FSTL5: variants seen among roughly 807,000 people sequenced by gnomAD.
FSTL5 encodes follistatin-related protein 5.
Under a neutral mutation model 89.1 loss-of-function variants are expected in FSTL5, and 62 were observed. The ratio of observed to expected loss-of-function variants is 0.70; its 90% CI spans 0.57 to 0.86. The LOEUF is 0.86. FSTL5 is among the 40% of genes least tolerant of loss of function. The probability of loss-of-function intolerance (pLI) is 0.00; values close to 1 mark genes in which losing one functional copy is unlikely to be tolerated. For synonymous variants in FSTL5, 383 were observed against 346.2 expected (o/e 1.11, Z -1.18); for missense variants, 1,057 against 1,001.6 (o/e 1.06, Z -0.75).
chr4:162,120,335 C>A (rs1222398095), intron 1 of FSTL5, among the ~76,000 whole-genome samples: 1 of 152,054 alleles, frequency 6.6e-6, no homozygotes, highest in African/African-American at 2.4e-5. Flanking sequence ...ATTATTAGAA[C>A]CATGTTATGT....
intron 15 of FSTL5, among the ~76,000 whole-genome samples, chr4:161,441,734 T>A (rs1201636950): frequency 6.6e-6 from 1 of 152,160 alleles, no homozygotes; most frequent in Non-Finnish European, 1.5e-5. Context: ...TCAAGGTTTT[T>A]TGAATCATAA....
Position 162,141,328 on chromosome 4 carries a change from G to A in FSTL5, c.-17+22287C>T, listed in dbSNP as rs568285090. Among the ~76,000 whole-genome samples, 28 of 84,784 alleles carry A rather than the reference G, an allele frequency of 3.3e-4. 2 individuals carry two copies. Among genetic ancestry groups the A allele is most frequent in the Non-Finnish European group, 7.1e-4 (26 of 36,726 alleles). 55.6% of individuals were successfully genotyped at this position (84,784 alleles called of 152,430 possible). A position where few individuals can be genotyped will look rare whatever the true frequency, so the allele number is the denominator to read the frequency against. On this transcript the variant is annotated intron_variant, in intron 1 of 15. Transcript: ENST00000306100. ...GACGGGGTTTCACCATGTTAGCCAG[G>A]ATGGTCTCGATCTCCTGACCTCGTG...
At chr4:161,391,650 T>G (rs2110877271) in intron 15 of FSTL5, among the ~76,000 whole-genome samples, 1 of 152,306 alleles carries the variant, frequency 6.6e-6, no homozygotes, top group Non-Finnish European at 1.5e-5. Flanking sequence ...AGGATTCAGT[T>G]TTTATCTGAA....
At chr4:161,778,598 T>C (rs1173873761) in intron 4 of FSTL5, among the ~76,000 whole-genome samples, 6 of 152,228 alleles carry the variant, frequency 3.9e-5, no homozygotes, top group Non-Finnish European at 8.8e-5. Context: ...TTCAGCACTT[T>C]GGTTTTTAGC....
chr4:161,778,539 G>C (rs1478688501), intron 4 of FSTL5, among the ~76,000 whole-genome samples: 1 of 152,154 alleles, frequency 6.6e-6, no homozygotes, highest in Non-Finnish European at 1.5e-5. Flanking sequence ...CTTCCAAAGA[G>C]ATGATAGACT....
At chr4:161,687,159 A>G (rs2126715443) in intron 6 of FSTL5, among the ~76,000 whole-genome samples, 1 of 152,306 alleles carries the variant, frequency 6.6e-6, no homozygotes, top group South Asian at 2.1e-4. Flanking sequence ...TTAAATGGTT[A>G]AATATTACAT....
intron 2 of FSTL5, among the ~76,000 whole-genome samples, chr4:162,105,500 T>C (rs1329465239): frequency 6.6e-6 from 1 of 152,218 alleles, no homozygotes; most frequent in Non-Finnish European, 1.5e-5. Context: ...AACCTAGGAC[T>C]CTGATTTTTT....
intron 6 of FSTL5, among the ~76,000 whole-genome samples, chr4:161,718,583 C>G (rs1256397826): frequency 6.6e-6 from 1 of 152,032 alleles, no homozygotes; most frequent in Non-Finnish European, 1.5e-5. Flanking sequence ...TGCGTGCCAC[C>G]ATGCCCGGCT....
Position 161,385,486 on chromosome 4 carries a change from T to G in FSTL5, c.*261A>C, listed in dbSNP as rs72987242. 4.6e-3 allele frequency: 1,727 copies of G among 372,032 alleles called. 20 individuals are homozygous for G. The highest frequency in any genetic ancestry group is 0.032 in the African/African-American group (1,552 of 48,048). 23.0% of individuals were successfully genotyped at this position (372,032 alleles called of 1,614,324 possible). A position where few individuals can be genotyped will look rare whatever the true frequency, so the allele number is the denominator to read the frequency against. On this transcript the variant is annotated 3_prime_UTR_variant, in exon 16 of 16. Coordinates refer to ENST00000306100, the MANE Select transcript of FSTL5 (RefSeq NM_020116.5). Reference sequence around the variant, plus strand: ...ATGATTTAAATCCTACTTTATTGTTTAAAGCATAATTTACATATTTGATTC... The same window carrying G: ...ATGATTTAAATCCTACTTTATTGTTGAAAGCATAATTTACATATTTGATTC...
rs1553983461 is a variant in FSTL5 at position 161,929,683 on chromosome 4, G to GTGTGTGTGTGTA, written c.161-9032_161-9031insTACACACACACA. 1.1e-3 allele frequency among the ~76,000 whole-genome samples: 107 copies of GTGTGTGTGTGTA among 98,258 alleles called. 2 individuals are homozygous for GTGTGTGTGTGTA. Among genetic ancestry groups the GTGTGTGTGTGTA allele is most frequent in the East Asian group, 9.0e-3 (32 of 3,548 alleles). 64.5% of individuals were successfully genotyped at this position (98,258 alleles called of 152,430 possible). A position where few individuals can be genotyped will look rare whatever the true frequency, so the allele number is the denominator to read the frequency against. ...CACGTGTGTGTGTGTGTGTGTGTGT[G>GTGTGTGTGTGTA]TGTGTGTGTGTGTGTGTGTACATAG... On this transcript the variant is annotated intron_variant, in intron 3 of 15. Coordinates refer to ENST00000306100, the MANE Select transcript of FSTL5 (RefSeq NM_020116.5).
chr4:161,551,587 A>C (rs1267961651), intron 8 of FSTL5, among the ~76,000 whole-genome samples: 2 of 151,972 alleles, frequency 1.3e-5, no homozygotes, highest in Non-Finnish European at 2.9e-5. Context: ...TTCAAACTAT[A>C]CTACAAGGCT....
At chr4:161,647,836 C>T (rs1464339456) in intron 7 of FSTL5, among the ~76,000 whole-genome samples, 1 of 151,902 alleles carries the variant, frequency 6.6e-6, no homozygotes, top group Non-Finnish European at 1.5e-5. Flanking sequence ...TTCCTAAAAC[C>T]ACCTGGCCTG....
chr4:162,070,316 A>G (rs2111307150), intron 2 of FSTL5, among the ~76,000 whole-genome samples: 1 of 151,830 alleles, frequency 6.6e-6, no homozygotes, highest in South Asian at 2.1e-4. Context: ...TTTACATGTT[A>G]TCTACTTAAT....
chr4:161,783,566 TTTTC>T (rs1273872846), intron 4 of FSTL5, among the ~76,000 whole-genome samples: 1 of 151,366 alleles, frequency 6.6e-6, no homozygotes, highest in Non-Finnish European at 1.5e-5. Flanking sequence ...CTTTCTTTTC[TTTTC>T]TTTCTTTGCT....
At chr4:161,930,658 G>T (rs1354970908) in intron 3 of FSTL5, among the ~76,000 whole-genome samples, 1 of 151,246 alleles carries the variant, frequency 6.6e-6, no homozygotes, top group African/African-American at 2.4e-5. Context: ...AAGTTCCTTG[G>T]ATAGTTAAAA....
chr4:161,776,635 G>T (rs1310672967), intron 4 of FSTL5, among the ~76,000 whole-genome samples: 1 of 149,074 alleles, frequency 6.7e-6, no homozygotes, highest in Non-Finnish European at 1.5e-5. Flanking sequence ...ATTTGGATTT[G>T]CATTGATGAC....
chr4:161,969,096 G>C (rs975973843), intron 3 of FSTL5, among the ~76,000 whole-genome samples: 1 of 151,972 alleles, frequency 6.6e-6, no homozygotes, highest in Non-Finnish European at 1.5e-5. Context: ...TGTACAGGTT[G>C]GAGGGGCTTT....
At chr4:161,975,934 T>C (rs1393796301) in intron 3 of FSTL5, among the ~76,000 whole-genome samples, 1 of 149,098 alleles carries the variant, frequency 6.7e-6, no homozygotes, top group Non-Finnish European at 1.5e-5. Context: ...GCTAACACCA[T>C]GAAACCCCGT....
At chr4:161,568,665 A>G (rs187518800) in intron 8 of FSTL5, among the ~76,000 whole-genome samples, 1 of 152,300 alleles carries the variant, frequency 6.6e-6, no homozygotes, top group Admixed American at 6.5e-5. Context: ...ACACAGATCA[A>G]GTTTGGCCTG....
Sources: allele counts gnomAD v4.1 joint callset (sites outside exome capture counted in the v4.1 genomes callset), GRCh38; gene constraint gnomAD v4.1.1; transcripts MANE v1.5; gene names NCBI Gene and HGNC (gene_info 2026-07-23, HGNC 2026-07-21).